Variants in FAT3 observed in about 807,000 individuals in gnomAD.
FAT3 encodes protocadherin Fat 3.
A neutral mutation model predicts 310.2 loss-of-function variants in FAT3; 95 were observed. That is an observed-to-expected ratio of 0.31 (90% CI 0.26 to 0.36). The LOEUF is 0.36. Ranked by LOEUF, FAT3 falls within the 10% of genes least tolerant of loss-of-function variation. The pLI is 1.00. For missense variants in FAT3, 5,408 were observed against 5,715.6 expected, an observed-to-expected ratio of 0.95 and a Z score of 1.74; for synonymous variants, 2,314 against 2,192.9, an observed-to-expected ratio of 1.06 and a Z score of -1.54.
chr11:92,462,083 TG>T (rs1245286230), intron 2 of FAT3, among the ~76,000 whole-genome samples: 1 of 152,228 alleles, frequency 6.6e-6, no homozygotes, highest in East Asian at 1.9e-4. Context: ...GTTACTTCTC[TG>T]TCTCCTTAAA....
intron 2 of FAT3, among the ~76,000 whole-genome samples, chr11:92,379,229 A>ACATGCTAGG: frequency 6.6e-6 from 1 of 152,212 alleles, no homozygotes; most frequent in East Asian, 1.9e-4. Context: ...GAGTTATTTT[A>ACATGCTAGG]CATATAGCAC....
chr11:92,306,084 G>A (rs1947109408), intron 1 of FAT3, among the ~76,000 whole-genome samples: 1 of 151,952 alleles, frequency 6.6e-6, no homozygotes, highest in South Asian at 2.1e-4. Flanking sequence ...TTTTTAAAAA[G>A]CAAATGTCTT....
At chr11:92,716,996 C>A (rs1944710331) in intron 4 of FAT3, among the ~76,000 whole-genome samples, 1 of 152,116 alleles carries the variant, frequency 6.6e-6, no homozygotes, top group Admixed American at 6.5e-5. Context: ...GCTGAATGAT[C>A]TAGAGCAAAT....
intron 3 of FAT3, among the ~76,000 whole-genome samples, chr11:92,533,433 A>G (rs754327897): frequency 1.5e-4 from 23 of 152,126 alleles, no homozygotes; most frequent in Non-Finnish European, 2.2e-4. Context: ...TGACTCCCCA[A>G]TTAAGTTAGA....
intron 1 of FAT3, among the ~76,000 whole-genome samples, chr11:92,247,118 A>T (rs915418125): frequency 6.6e-6 from 1 of 152,066 alleles, no homozygotes; most frequent in Non-Finnish European, 1.5e-5. Context: ...AGTTCCAAGG[A>T]ATGACAAGGG....
chr11:92,818,280 A>C (rs1248697609), intron 13 of FAT3, among the ~76,000 whole-genome samples: 1 of 152,100 alleles, frequency 6.6e-6, no homozygotes, highest in African/African-American at 2.4e-5. Context: ...CTACCTTTGC[A>C]CTGTGCCTCA....
At position 92,801,129 on chromosome 11, in the gene FAT3, C is replaced by T. The variant is rs370861285; in HGVS notation, c.8116C>T (p.Pro2706Ser). The change falls in exon 10 of 28, where the codon CCA becomes TCA. Residue 2706 changes from proline (P) to serine (S), a missense_variant. Pro to Ser is a moderately conservative substitution (Grantham distance 74, BLOSUM62 -1). Coordinates refer to ENST00000525166, the MANE Select transcript of FAT3 (RefSeq NM_001367949.2). ...CGTCTTGCCCCCTGAAACGTTCTTG[C>T]CATCATTCACCCAGTCTCAGTATTC... ...IHVLPPETFLPSFTQSQYSFT... is the reference protein window; with the variant it reads ...IHVLPPETFLSSFTQSQYSFT... 2.5e-6 allele frequency: 4 copies of T among 1,613,842 alleles called. No individual in the cohort carries two copies. The African/African-American group carries it at 5.3e-5, about 22-fold the overall frequency.
At chr11:92,783,522 C>T (rs1192385295) in intron 7 of FAT3, among the ~76,000 whole-genome samples, 1 of 134,188 alleles carries the variant, frequency 7.5e-6, no homozygotes, top group Non-Finnish European at 1.6e-5. Flanking sequence ...AAAAAAAAGA[C>T]ACAGCAAGGT....
chr11:92,812,885 C>A (rs1021141347), intron 13 of FAT3, among the ~76,000 whole-genome samples: 3 of 152,136 alleles, frequency 2.0e-5, no homozygotes, highest in African/African-American at 7.2e-5. Context: ...TCCATAATCC[C>A]CATGTGTCGT....
intron 3 of FAT3, among the ~76,000 whole-genome samples, chr11:92,633,834 A>T (rs1469798494): frequency 1.3e-5 from 2 of 152,172 alleles, no homozygotes; most frequent in Non-Finnish European, 2.9e-5. Flanking sequence ...TGAGCATGTC[A>T]GGGTTCAGTT....
chr11:92,378,353 T>G (rs1315547740), intron 2 of FAT3, among the ~76,000 whole-genome samples: 1 of 152,208 alleles, frequency 6.6e-6, no homozygotes, highest in Non-Finnish European at 1.5e-5. Flanking sequence ...GGAGACTTTA[T>G]CATCGAGATA....
At position 92,562,278 on chromosome 11, in the gene FAT3, T is replaced by C. The variant is rs960582214; in HGVS notation, c.3607+37330T>C. On this transcript the variant is annotated intron_variant, in intron 3 of 27. Transcript: ENST00000525166. ...GTATCATATACAATACTTCCTACCA[T>C]ATAGAATGGGAAATTCCTTATGGAA... Among the ~76,000 whole-genome samples, 64 of 152,302 alleles carry C rather than the reference T, an allele frequency of 4.2e-4. 1 individual carries two copies. The highest frequency in any genetic ancestry group is 1.5e-3 in the African/African-American group (62 of 41,562).
rs1591659873 is a variant in FAT3 at position 92,732,401 on chromosome 11, T to G, written c.3670-29455T>G. On this transcript the variant is annotated intron_variant, in intron 4 of 27. Coordinates refer to ENST00000525166, the MANE Select transcript of FAT3 (RefSeq NM_001367949.2). ...ACTACTCACTCACTCACCTACTCAT[T>G]AATCCTGTAAGCATATTTTGAGTGC... Among the ~76,000 whole-genome samples the G allele has an allele frequency of 3.3e-5, 5 of 152,316 alleles. 1 individual carries two copies. The East Asian group carries it at 7.7e-4, about 23-fold the overall frequency.
chr11:92,835,891 A>G (rs1422644085), intron 15 of FAT3, among the ~76,000 whole-genome samples: 1 of 152,086 alleles, frequency 6.6e-6, no homozygotes, highest in East Asian at 1.9e-4. Flanking sequence ...CGCAAATTAC[A>G]TTTTGGAACA....
intron 3 of FAT3, among the ~76,000 whole-genome samples, chr11:92,620,513 T>C (rs1941035876): frequency 6.6e-6 from 1 of 152,210 alleles, no homozygotes; most frequent in Non-Finnish European, 1.5e-5. Context: ...ATTTTACCTT[T>C]CTCCCCAGTA....
At chr11:92,674,978 CCT>C (rs1447189782) in intron 3 of FAT3, among the ~76,000 whole-genome samples, 3 of 152,120 alleles carry the variant, frequency 2.0e-5, no homozygotes, top group Non-Finnish European at 4.4e-5. Context: ...AGGTTTTATT[CCT>C]TGTTCCTCCT....
chr11:92,641,998 A>T (rs905576462), intron 3 of FAT3, among the ~76,000 whole-genome samples: 5 of 152,224 alleles, frequency 3.3e-5, no homozygotes, highest in African/African-American at 1.2e-4. Flanking sequence ...CCGTTTGAGG[A>T]AGTCTGAATT....
At chr11:92,234,713 C>G (rs1327986303) in intron 1 of FAT3, among the ~76,000 whole-genome samples, 3 of 151,948 alleles carry the variant, frequency 2.0e-5, no homozygotes, top group Non-Finnish European at 4.4e-5. Flanking sequence ...ATCAGCCTGA[C>G]CAACATGGTG....
In FAT3 at chr11:92,764,968, A is replaced by G; in HGVS notation, c.4074A>G (p.Ile1358Met). Residue 1358 changes from isoleucine to methionine, a missense_variant, in exon 6 of 28, where the codon ATA (isoleucine) becomes ATG (methionine). Around this residue, in one of 5 missense-constraint regions of FAT3, gnomAD observed 4,588 missense variants for 4,809.8 expected, o/e 0.95. Coordinates refer to ENST00000525166, the MANE Select transcript of FAT3 (RefSeq NM_001367949.2). ...EWIKKPPPSP[I>M]PLTFDEPFYN... ...TTAAGAAACCACCCCCTTCACCTAT[A>G]CCATTGACCTTCGATGAGCCGTTTT... 1 of 1,613,772 alleles carries G rather than the reference A, an allele frequency of 6.2e-7. No homozygotes were observed.
Sources: gnomAD v4.1 joint callset for allele counts (sites outside exome capture counted in the v4.1 genomes callset) on GRCh38, gnomAD v4.1.1 for gene constraint, gnomAD v4.1.1 regional missense constraint, MANE v1.5 for transcripts, NCBI Gene and HGNC (gene_info 2026-07-23, HGNC 2026-07-21) for gene names.